CDC42BPA: variants seen among roughly 807,000 people sequenced by gnomAD.
CDC42BPA encodes CDC42 binding protein kinase alpha.
CDC42BPA carries 80 observed loss-of-function variants against 223.5 expected under a neutral mutation model. The observed-to-expected ratio is 0.36, with a 90% CI of 0.30 to 0.43. The LOEUF is 0.43. Among genes scored for constraint, CDC42BPA ranks in the 20% least tolerant of loss-of-function variants. The pLI is 1.00. For missense variants in CDC42BPA, 1,743 were observed against 2,099.9 expected, an observed-to-expected ratio of 0.83 and a Z score of 3.32; for synonymous variants, 694 against 718.6, an observed-to-expected ratio of 0.97 and a Z score of 0.55.
chr1:227,141,718 A>G (rs912793458), intron 9 of CDC42BPA, among the ~76,000 whole-genome samples: 2 of 152,220 alleles, frequency 1.3e-5, no homozygotes, highest in Admixed American at 6.5e-5. Flanking sequence ...TTAAGGCCAG[A>G]GGACGGCTTG....
chr1:227,068,977 T>A (rs1677695993), intron 21 of CDC42BPA: 1 of 155,530 alleles, frequency 6.4e-6, no homozygotes. Flanking sequence ...TGACAAATAA[T>A]TAATAATCAA....
At chr1:227,193,176 C>A (rs10799405) in intron 5 of CDC42BPA, among the ~76,000 whole-genome samples, 101,056 of 148,162 alleles carry the variant, frequency 0.68, 34,580 homozygotes, top group South Asian at 0.73. Flanking sequence ...TCACGCCATT[C>A]TCCTGCCTCA....
At chr1:227,276,398 C>T (rs891256068) in intron 1 of CDC42BPA, among the ~76,000 whole-genome samples, 3 of 151,686 alleles carry the variant, frequency 2.0e-5, no homozygotes, top group Non-Finnish European at 2.9e-5. Flanking sequence ...GCCGCCCCGT[C>T]TGGGAAGTGA....
intron 1 of CDC42BPA, among the ~76,000 whole-genome samples, chr1:227,273,054 A>G (rs1351965520): frequency 1.3e-5 from 2 of 151,710 alleles, no homozygotes; most frequent in African/African-American, 4.8e-5. Flanking sequence ...GCACTTTGGG[A>G]GGCCAAGGTG....
intron 22 of CDC42BPA, among the ~76,000 whole-genome samples, chr1:227,050,116 A>G (rs936449462): frequency 1.7e-4 from 26 of 152,204 alleles, no homozygotes; most frequent in African/African-American, 6.3e-4. Context: ...TATAGCTAGC[A>G]AAGAATTAGT....
chr1:227,137,802 C>T (rs556217981), intron 10 of CDC42BPA, among the ~76,000 whole-genome samples: 4 of 151,752 alleles, frequency 2.6e-5, no homozygotes, highest in Non-Finnish European at 5.9e-5. Flanking sequence ...GATCAAAAAC[C>T]GGTAAAAATT....
intron 10 of CDC42BPA, among the ~76,000 whole-genome samples, chr1:227,134,404 TCCTAAACTATTTC>T (rs1375220730): frequency 3.9e-4 from 60 of 152,338 alleles, no homozygotes; most frequent in Non-Finnish European, 1.5e-4. Context: ...TATCTGGCGA[TCCTAAACTATTTC>T]CCTAGCTCAT....
At chr1:227,139,826 T>C (rs41268743) in intron 9 of CDC42BPA, 84 bp from the exon 10 acceptor site, 55,638 of 790,354 alleles carry the variant, frequency 0.07, 1,963 homozygotes, top group Non-Finnish European at 0.079. Flanking sequence ...AAATTGTTTT[T>C]AACTGACTCC....
chr1:227,033,239 T>A, intron 27 of CDC42BPA, 95 bp downstream of exon 27: 1 of 732,892 alleles, frequency 1.4e-6, no homozygotes, highest in Non-Finnish European at 2.3e-6. Context: ...AAGATTTGGT[T>A]TTACTTATAG....
intron 1 of CDC42BPA, among the ~76,000 whole-genome samples, chr1:227,275,937 G>A (rs1247446647): frequency 1.4e-5 from 2 of 141,638 alleles, no homozygotes; most frequent in African/African-American, 2.5e-5. Context: ...GCAGTGGCCT[G>A]ATCTCGGCTC....
chr1:227,044,488 A>C (rs1672015285), intron 23 of CDC42BPA, among the ~76,000 whole-genome samples: 1 of 152,236 alleles, frequency 6.6e-6, no homozygotes, highest in Admixed American at 6.5e-5. Flanking sequence ...ATGGTATTAC[A>C]ATGCTTATGA....
chr1:227,168,732 C>T (rs137902129), intron 5 of CDC42BPA, among the ~76,000 whole-genome samples: 2,104 of 152,028 alleles, frequency 0.014, 28 homozygotes, highest in Non-Finnish European at 0.02. Context: ...CTCCTGACCT[C>T]GTGATCCATC....
At chr1:227,226,302 TCTCCAGTTTGG>T (rs1228509035) in intron 2 of CDC42BPA, among the ~76,000 whole-genome samples, 5 of 152,204 alleles carry the variant, frequency 3.3e-5, no homozygotes, top group Non-Finnish European at 5.9e-5. Flanking sequence ...TAATTGGAAA[TCTCCAGTTTGG>T]CTCCAGGTTT....
intron 11 of CDC42BPA, among the ~76,000 whole-genome samples, chr1:227,120,890 C>T (rs1375680698): frequency 3.3e-5 from 5 of 152,246 alleles, no homozygotes; most frequent in Non-Finnish European, 4.4e-5. Context: ...GAGATGGTTT[C>T]GGGATGAAAC....
chr1:227,247,007 C>T (rs911837040), intron 2 of CDC42BPA, among the ~76,000 whole-genome samples: 29 of 151,978 alleles, frequency 1.9e-4, no homozygotes, highest in African/African-American at 6.8e-4. Flanking sequence ...TCGAGACCAG[C>T]CTGGCCAACA....
chr1:227,052,068 T>C (rs1052461690), intron 21 of CDC42BPA, 83 bp from the exon 22 acceptor site: 16 of 671,840 alleles, frequency 2.4e-5, no homozygotes, highest in Non-Finnish European at 3.8e-5. Context: ...CTGTAAGGCA[T>C]GATTATGACA....
At chr1:227,056,559 T>A (rs1674600891) in intron 21 of CDC42BPA, among the ~76,000 whole-genome samples, 1 of 152,104 alleles carries the variant, frequency 6.6e-6, no homozygotes, top group South Asian at 2.1e-4. Context: ...GGCTAATTTT[T>A]AAAAAATTTT....
rs142926967 is a variant in CDC42BPA, at chr1:227,035,070, T to C, written c.3337-276A>G. Among the ~76,000 whole-genome samples the C allele has an allele frequency of 3.6e-3, 544 of 152,300 alleles. 1 individual carries two copies. The highest frequency in any genetic ancestry group is 5.8e-3 in the Non-Finnish European group (396 of 68,010). On this transcript the variant is annotated intron_variant, in intron 25 of 36. Coordinates refer to ENST00000366766, the MANE Select transcript of CDC42BPA (RefSeq NM_001394014.1). ...TCATATTTCATTAAAATAACACTCA[T>C]GGGTTTCTTTCTAAATAGCATAAAA...
rs146804976 is a variant in CDC42BPA at position 227,283,832 on chromosome 1, A to T, written c.179-29677T>A. 8.9e-3 allele frequency among the ~76,000 whole-genome samples: 1,355 copies of T among 152,294 alleles called. 6 individuals carry two copies. Among genetic ancestry groups the T allele is most frequent in the Non-Finnish European group, 0.016 (1,068 of 68,026 alleles). On this transcript the variant is annotated intron_variant, in intron 1 of 36. Transcript: ENST00000366766. ...ACGCCTGTAATCTCAGCACTTTGGG[A>T]GGCCAGGGCAGGCAGTTCACTTGAG...
Sources: gnomAD v4.1 joint callset for allele counts (sites outside exome capture counted in the v4.1 genomes callset) on GRCh38, gnomAD v4.1.1 for gene constraint, MANE v1.5 for transcripts, NCBI Gene and HGNC (gene_info 2026-07-23, HGNC 2026-07-21) for gene names.